FOCAD: variants seen among roughly 807,000 people sequenced by gnomAD.
The protein encoded by FOCAD is KIAA1797.
In FOCAD, 198 loss-of-function variants were observed where a neutral mutation model predicts 225.6. The observed-to-expected ratio is 0.88, with a 90% CI of 0.78 to 0.99. FOCAD has a LOEUF of 0.99. Ranked by LOEUF, FOCAD falls within the 50% of genes least tolerant of loss-of-function variation. FOCAD has a pLI of 0.00. For missense variants in FOCAD, 2,713 were observed against 2,123.6 expected, an observed-to-expected ratio of 1.28 and a Z score of -5.46; for synonymous variants, 897 against 755.0, an observed-to-expected ratio of 1.19 and a Z score of -3.08.
chr9:20,945,611 T>C (rs997838467), intron 29 of FOCAD, among the ~76,000 whole-genome samples: 3 of 152,234 alleles, frequency 2.0e-5, no homozygotes, highest in African/African-American at 7.2e-5. Context: ...ATTTCCATTT[T>C]TAAAGCAGTG....
At chr9:20,900,869 T>A (rs969904800) in intron 21 of FOCAD, among the ~76,000 whole-genome samples, 1 of 151,780 alleles carries the variant, frequency 6.6e-6, no homozygotes, top group African/African-American at 2.4e-5. Flanking sequence ...AATGTTACCC[T>A]GATTGGAAAC....
At chr9:20,658,738 C>G (rs909923806) in exon 2 of FOCAD, 1 of 159,644 alleles carries the variant, frequency 6.3e-6, no homozygotes, top group Non-Finnish European at 1.4e-5. Context: ...TCACCGTCTT[C>G]TCCATCGCTC....
intron 2 of FOCAD, among the ~76,000 whole-genome samples, chr9:20,662,926 A>G (rs1484429739): frequency 1.3e-5 from 2 of 152,246 alleles, no homozygotes; most frequent in Admixed American, 6.5e-5. Context: ...AACATAATAG[A>G]AAATTATTTG....
intron 11 of FOCAD, among the ~76,000 whole-genome samples, chr9:20,798,058 C>T (rs542648001): frequency 6.6e-6 from 1 of 151,954 alleles, no homozygotes; most frequent in Non-Finnish European, 1.5e-5. Flanking sequence ...TAGCATGAAG[C>T]ATTGTTGAAT....
intron 29 of FOCAD, 39 bp from the exon 30 acceptor site, chr9:20,946,662 C>G (rs371999454): frequency 1.8e-5 from 28 of 1,576,484 alleles, no homozygotes; most frequent in Non-Finnish European, 2.4e-5. Flanking sequence ...TTTATTTTTC[C>G]TCCTGAAGAC....
At chr9:20,707,716 G>C (rs932282714) in intron 1 of FOCAD, among the ~76,000 whole-genome samples, 1 of 152,172 alleles carries the variant, frequency 6.6e-6, no homozygotes, top group African/African-American at 2.4e-5. Context: ...TGGTCTTGCT[G>C]TCTCAGGGGT....
intron 35 of FOCAD, among the ~76,000 whole-genome samples, chr9:20,963,623 T>C (rs1838973490): frequency 6.6e-6 from 1 of 152,248 alleles, no homozygotes; most frequent in Non-Finnish European, 1.5e-5. Flanking sequence ...TGGAGAGATG[T>C]AATTCTTGCA....
chr9:20,823,268 T>A (rs570506839), intron 15 of FOCAD, among the ~76,000 whole-genome samples, 153 bp downstream of exon 15: 2 of 152,214 alleles, frequency 1.3e-5, no homozygotes, highest in Non-Finnish European at 2.9e-5. Flanking sequence ...AGACCTACTT[T>A]ACAAATTCTT....
chr9:20,772,382 C>A (rs1439658358), intron 8 of FOCAD, among the ~76,000 whole-genome samples: 1 of 152,028 alleles, frequency 6.6e-6, no homozygotes, highest in Non-Finnish European at 1.5e-5. Context: ...ATTTTAAACA[C>A]GGGACTGGGT....
intron 11 of FOCAD, among the ~76,000 whole-genome samples, chr9:20,805,234 C>A (rs889007802): frequency 6.6e-5 from 10 of 152,168 alleles, no homozygotes; most frequent in African/African-American, 1.9e-4. Flanking sequence ...TTTAGTTCTG[C>A]ATGGCAACCA....
intron 28 of FOCAD, among the ~76,000 whole-genome samples, chr9:20,935,626 T>A (rs1212930277): frequency 6.6e-6 from 1 of 152,224 alleles, no homozygotes; most frequent in Admixed American, 6.5e-5. Context: ...CTCAAACTCC[T>A]GACCTCATGT....
intron 23 of FOCAD, among the ~76,000 whole-genome samples, chr9:20,915,481 G>T (rs1452165213): frequency 2.0e-5 from 3 of 152,190 alleles, no homozygotes; most frequent in African/African-American, 7.2e-5. Flanking sequence ...GGCTGCAGAA[G>T]ATAGGGACTG....
At chr9:20,859,833 T>G (rs1487181832) in intron 15 of FOCAD, among the ~76,000 whole-genome samples, 1 of 151,242 alleles carries the variant, frequency 6.6e-6, no homozygotes, top group Non-Finnish European at 1.5e-5. Flanking sequence ...TATTATTCTA[T>G]TTATAGGAAA....
intron 4 of FOCAD, among the ~76,000 whole-genome samples, chr9:20,727,789 G>T (rs909906450): frequency 6.6e-6 from 1 of 152,122 alleles, no homozygotes; most frequent in Non-Finnish European, 1.5e-5. Flanking sequence ...AAGGGACTTG[G>T]CCACATTTGT....
At chr9:20,886,345 G>A (rs1389943121) in intron 21 of FOCAD, among the ~76,000 whole-genome samples, 1 of 152,022 alleles carries the variant, frequency 6.6e-6, no homozygotes, top group Non-Finnish European at 1.5e-5. Flanking sequence ...TTTGTCCCTG[G>A]CATCTCATTA....
At chr9:20,723,328 A>G (rs1231518011) in intron 4 of FOCAD, among the ~76,000 whole-genome samples, 1 of 152,176 alleles carries the variant, frequency 6.6e-6, no homozygotes, top group East Asian at 1.9e-4. Flanking sequence ...TCTCTACTAA[A>G]AATACAAAAA....
intron 28 of FOCAD, 137 bp from the exon 29 acceptor site, chr9:20,944,490 C>A: frequency 2.3e-6 from 2 of 857,002 alleles, no homozygotes; most frequent in Non-Finnish European, 3.6e-6. Context: ...TGATGGGGCA[C>A]ACCATCTACT....
At chr9:20,805,139 A>T (rs1478476358) in intron 11 of FOCAD, among the ~76,000 whole-genome samples, 1 of 152,206 alleles carries the variant, frequency 6.6e-6, no homozygotes, top group Non-Finnish European at 1.5e-5. Flanking sequence ...AAGGTACATG[A>T]AGTGAAAAGT....
intron 13 of FOCAD, 96 bp downstream of exon 13, chr9:20,820,521 T>G (rs566300990): frequency 1.0e-6 from 1 of 989,690 alleles, no homozygotes. Flanking sequence ...GGTTTAGTGG[T>G]ATTAATGAGT....
Sources: allele counts gnomAD v4.1 joint callset (sites outside exome capture counted in the v4.1 genomes callset), GRCh38; gene constraint gnomAD v4.1.1; transcripts MANE v1.5; gene names NCBI Gene and HGNC (gene_info 2026-07-23, HGNC 2026-07-21).